SYN3: variants seen among roughly 807,000 people sequenced by gnomAD.
SYN3 encodes the protein synapsin-3.
SYN3 carries 35 observed loss-of-function variants against 65.8 expected under a neutral mutation model. That is an observed-to-expected ratio of 0.53 (90% CI 0.41 to 0.70). The LOEUF (loss-of-function observed/expected upper bound fraction) is 0.70, where lower values mean the gene tolerates loss of function less well. SYN3 is among the 30% of genes least tolerant of loss of function. SYN3 has a pLI of 0.00. For missense variants in SYN3, 680 were observed against 749.0 expected, an observed-to-expected ratio of 0.91 and a Z score of 1.08; for synonymous variants, 270 against 292.9, an observed-to-expected ratio of 0.92 and a Z score of 0.80.
chr22:32,914,587 G>A lies in SYN3; in HGVS notation c.461+16803C>T, dbSNP rs1053425083. ...CGAGTAGCTGGGACTACAGGCGCCC[G>A]CCACCATGCCCGGCTAATTTTTTTT... On this transcript the variant is annotated intron_variant, in intron 4 of 13. Coordinates refer to ENST00000358763, the MANE Select transcript of SYN3 (RefSeq NM_003490.4). Among the ~76,000 whole-genome samples, 24 of 151,552 alleles carry A rather than the reference G, an allele frequency of 1.6e-4. No individual in the cohort carries two copies. The South Asian group carries it at 3.1e-3, about 20-fold the overall frequency.
chr22:32,679,206 C>G (rs2060489455), intron 6 of SYN3, among the ~76,000 whole-genome samples: 2 of 151,994 alleles, frequency 1.3e-5, no homozygotes, highest in Non-Finnish European at 2.9e-5. Context: ...GCACCCACAA[C>G]CACATCCAGC....
At chr22:32,950,490 T>C (rs2146820505) in intron 3 of SYN3, among the ~76,000 whole-genome samples, 1 of 152,286 alleles carries the variant, frequency 6.6e-6, no homozygotes, top group South Asian at 2.1e-4. Context: ...ATACTATCTT[T>C]AAGCATTCAT....
intron 6 of SYN3, among the ~76,000 whole-genome samples, chr22:32,730,803 A>G (rs1362881040): frequency 6.6e-6 from 1 of 152,078 alleles, no homozygotes; most frequent in Non-Finnish European, 1.5e-5. Context: ...CCTACCCAAC[A>G]CATCACTTGC....
At position 32,520,495 on chromosome 22, in the gene SYN3, C is replaced by T. The variant is rs569468158; in HGVS notation, c.1319-2161G>A. ...TTGTGACTTGCTTAAGATGTCACTACGAATAAGGGGACACGCCGAGATTCA... is the reference window on the plus strand; with the variant it reads ...TTGTGACTTGCTTAAGATGTCACTATGAATAAGGGGACACGCCGAGATTCA... On this transcript the variant is annotated intron_variant, in intron 12 of 13. Transcript: ENST00000358763. Among the ~76,000 whole-genome samples, 5 of 152,222 alleles carry T rather than the reference C, an allele frequency of 3.3e-5. No homozygotes were observed. In the South Asian group the frequency reaches 6.2e-4, roughly 19 times the overall value.
At chr22:32,567,874 G>C (rs992778524) in intron 7 of SYN3, among the ~76,000 whole-genome samples, 1 of 152,124 alleles carries the variant, frequency 6.6e-6, no homozygotes, top group Non-Finnish European at 1.5e-5. Context: ...CTCCTTGCGG[G>C]TATAGGTTCC....
At chr22:32,882,899 T>TC (rs1257193755) in intron 4 of SYN3, among the ~76,000 whole-genome samples, 1 of 151,812 alleles carries the variant, frequency 6.6e-6, no homozygotes, top group Non-Finnish European at 1.5e-5. Flanking sequence ...GCTTCTGAAG[T>TC]CCCCCCGCCC....
intron 6 of SYN3, among the ~76,000 whole-genome samples, chr22:32,791,498 C>T (rs1029974249): frequency 6.6e-6 from 1 of 151,876 alleles, no homozygotes; most frequent in African/African-American, 2.4e-5. Context: ...GGCTCCTCAC[C>T]CTTGATTGGC....
At chr22:32,544,741 C>T (rs898365824) in intron 7 of SYN3, among the ~76,000 whole-genome samples, 1 of 152,184 alleles carries the variant, frequency 6.6e-6, no homozygotes, top group Non-Finnish European at 1.5e-5. Context: ...TGGAGAGAAT[C>T]GGAATTGCCA....
chr22:32,577,731 T>C (rs1459737353), intron 7 of SYN3, among the ~76,000 whole-genome samples: 1 of 152,238 alleles, frequency 6.6e-6, no homozygotes, highest in African/African-American at 2.4e-5. Context: ...TCCTGCTCCA[T>C]TGGCCTCCTC....
chr22:32,623,165 A>G (rs1215391742), intron 6 of SYN3, among the ~76,000 whole-genome samples: 4 of 151,960 alleles, frequency 2.6e-5, no homozygotes, highest in Non-Finnish European at 5.9e-5. Context: ...GTCAAAGGAT[A>G]GTTTTTGCTT....
At chr22:32,537,010 T>C (rs1032575780) in intron 9 of SYN3, among the ~76,000 whole-genome samples, 1 of 152,144 alleles carries the variant, frequency 6.6e-6, no homozygotes, top group Non-Finnish European at 1.5e-5. Context: ...AGGTACTCAA[T>C]AGGTGTTTAC....
At chr22:32,685,779 C>A (rs1017438890) in intron 6 of SYN3, among the ~76,000 whole-genome samples, 22 of 152,334 alleles carry the variant, frequency 1.4e-4, no homozygotes, top group African/African-American at 4.6e-4. Flanking sequence ...GCCTTGACCT[C>A]ATCATCCCAT....
At chr22:32,971,307 C>T (rs1178445462) in intron 3 of SYN3, among the ~76,000 whole-genome samples, 1 of 152,098 alleles carries the variant, frequency 6.6e-6, no homozygotes, top group Non-Finnish European at 1.5e-5. Flanking sequence ...TTTATCCCCC[C>T]AGCTGGTTCT....
At chr22:32,672,875 C>G (rs2060390337) in intron 6 of SYN3, among the ~76,000 whole-genome samples, 1 of 152,188 alleles carries the variant, frequency 6.6e-6, no homozygotes, top group Non-Finnish European at 1.5e-5. Context: ...AGAAAGAGAG[C>G]TTTGTGGATA....
intron 4 of SYN3, among the ~76,000 whole-genome samples, chr22:32,874,070 G>A (rs1441324786): frequency 6.6e-6 from 1 of 152,136 alleles, no homozygotes; most frequent in Non-Finnish European, 1.5e-5. Context: ...GGAGGCAGAG[G>A]TTGCAGTGAG....
intron 7 of SYN3, among the ~76,000 whole-genome samples, chr22:32,589,867 A>C (rs1485305853): frequency 1.3e-5 from 2 of 152,190 alleles, no homozygotes; most frequent in Admixed American, 1.3e-4. Flanking sequence ...TCAAACACCC[A>C]AAATTGGTGC....
intron 3 of SYN3, among the ~76,000 whole-genome samples, chr22:32,977,482 T>C (rs2052236259): frequency 1.3e-5 from 2 of 152,170 alleles, no homozygotes; most frequent in Middle Eastern, 6.8e-3. Context: ...CCATGTGTGG[T>C]GGCCTGTAAT....
intron 6 of SYN3, among the ~76,000 whole-genome samples, chr22:32,645,555 G>A (rs1455907066): frequency 2.0e-5 from 3 of 152,044 alleles, no homozygotes; most frequent in African/African-American, 7.2e-5. Context: ...ACGTGCTTTC[G>A]TGTGTGTTTA....
At chr22:32,627,832 T>A (rs1048334305) in intron 6 of SYN3, among the ~76,000 whole-genome samples, 2 of 143,014 alleles carry the variant, frequency 1.4e-5, no homozygotes, top group Non-Finnish European at 3.0e-5. Flanking sequence ...TTGTTTTTGT[T>A]TTTGTTTTTG....
Sources: allele counts gnomAD v4.1 joint callset (sites outside exome capture counted in the v4.1 genomes callset), GRCh38; gene constraint gnomAD v4.1.1; transcripts MANE v1.5; gene names NCBI Gene and HGNC (gene_info 2026-07-23, HGNC 2026-07-21).